NOS1: variants seen among roughly 807,000 people sequenced by gnomAD.
The protein encoded by NOS1 is NOS type I.
A neutral mutation model predicts 164.5 loss-of-function variants in NOS1; 51 were observed. That is an observed-to-expected ratio of 0.31 (90% CI 0.25 to 0.39). NOS1 has a LOEUF of 0.39. Among genes scored for constraint, NOS1 ranks in the 10% least tolerant of loss-of-function variants. The probability of loss-of-function intolerance (pLI) is 1.00; values close to 1 mark genes in which losing one functional copy is unlikely to be tolerated. For missense variants in NOS1, 1,362 were observed against 1,885.6 expected (o/e 0.72, Z 5.14); for synonymous variants, 719 against 745.8 (o/e 0.96, Z 0.59).
Position 117,243,256 on chromosome 12 carries a change from C to T in NOS1, c.2962+41G>A, listed in dbSNP as rs762328017. 5.6e-6 allele frequency: 9 copies of T among 1,608,934 alleles called. No homozygotes were observed. The highest frequency in any genetic ancestry group is 7.6e-6 in the Non-Finnish European group (9 of 1,177,464). On this transcript the variant is annotated intron_variant, in intron 19 of 28. Transcript: ENST00000317775. The surrounding 1 kb of genome is among the most constrained non-coding windows in gnomAD (Gnocchi z 4.3). Reference sequence around the variant, plus strand: ...GAGGTGAGATCACCTGCCTTTCCCCCATTGTCACGAATACCTCCCTGGAAG... The same window carrying T: ...GAGGTGAGATCACCTGCCTTTCCCCTATTGTCACGAATACCTCCCTGGAAG...
intron 1 of NOS1, among the ~76,000 whole-genome samples, chr12:117,359,373 C>CG (rs1038094060): frequency 3.4e-5 from 5 of 145,046 alleles, no homozygotes; most frequent in Non-Finnish European, 7.7e-5. Flanking sequence ...GAAAAAATAA[C>CG]GGGGGAAAAA....
chr12:117,276,969 T>C (rs944696123), intron 9 of NOS1, among the ~76,000 whole-genome samples: 1 of 152,170 alleles, frequency 6.6e-6, no homozygotes, highest in African/African-American at 2.4e-5. Flanking sequence ...ATCTCTTCGA[T>C]ATACTGATTT....
chr12:117,294,995 C>T (rs567910), intron 3 of NOS1, among the ~76,000 whole-genome samples: 86,149 of 152,066 alleles, frequency 0.57, 25,047 homozygotes, highest in African/African-American at 0.69. Context: ...GGTGCGGTCA[C>T]GTCAGCCTGG....
intron 18 of NOS1, among the ~76,000 whole-genome samples, chr12:117,245,235 C>T (rs1455661173): frequency 6.6e-6 from 1 of 152,152 alleles, no homozygotes; most frequent in East Asian, 1.9e-4. Context: ...AGAATGTATT[C>T]CAAGGCTAGG....
intron 3 of NOS1, among the ~76,000 whole-genome samples, chr12:117,307,630 G>A (rs911774584): frequency 6.6e-6 from 1 of 152,120 alleles, no homozygotes; most frequent in Non-Finnish European, 1.5e-5. Context: ...GCTTCCTAGA[G>A]TGCTGGGATT....
chr12:117,328,659 G>A (rs940026908), intron 2 of NOS1, among the ~76,000 whole-genome samples: 1 of 152,072 alleles, frequency 6.6e-6, no homozygotes, highest in Non-Finnish European at 1.5e-5. Flanking sequence ...CTGCCTCCCG[G>A]GTCCAAGTGA....
intron 24 of NOS1, 95 bp from the exon 25 acceptor site, chr12:117,225,232 A>G: frequency 6.7e-7 from 1 of 1,483,862 alleles, no homozygotes; most frequent in Non-Finnish European, 9.1e-7. Flanking sequence ...TCTTCGGTAG[A>G]CATACAATGA....
intron 3 of NOS1, among the ~76,000 whole-genome samples, chr12:117,304,471 G>A (rs1338300592): frequency 6.6e-6 from 1 of 152,164 alleles, no homozygotes; most frequent in African/African-American, 2.4e-5. Flanking sequence ...TGAATCTTAT[G>A]TGAGTCTCTC....
intron 17 of NOS1, among the ~76,000 whole-genome samples, chr12:117,251,123 A>G (rs982132551): frequency 6.6e-6 from 1 of 152,134 alleles, no homozygotes; most frequent in African/African-American, 2.4e-5. Context: ...AAGAGATCAG[A>G]GTTCTTCCCT....
chr12:117,359,907 T>TCAGC (rs1877050763), intron 1 of NOS1, among the ~76,000 whole-genome samples: 2 of 67,522 alleles, frequency 3.0e-5, no homozygotes, highest in Non-Finnish European at 2.9e-5. Flanking sequence ...TATATATATA[T>TCAGC]ATATATATAT....
At chr12:117,305,380 C>T (rs554285787) in intron 3 of NOS1, among the ~76,000 whole-genome samples, 6 of 151,394 alleles carry the variant, frequency 4.0e-5, no homozygotes, top group South Asian at 2.1e-4. Flanking sequence ...AGAAGAATGG[C>T]GTGAACCTGG....
intron 2 of NOS1, among the ~76,000 whole-genome samples, chr12:117,319,786 G>A (rs904291992): frequency 6.6e-6 from 1 of 152,204 alleles, no homozygotes; most frequent in Non-Finnish European, 1.5e-5. Context: ...CCTCTCTTTG[G>A]AGGAATGTTC....
chr12:117,250,327 C>CTT (rs556629285), intron 17 of NOS1, among the ~76,000 whole-genome samples: 2,166 of 130,156 alleles, frequency 0.017, 83 homozygotes, highest in African/African-American at 0.057. Flanking sequence ...TTGCCATTTA[C>CTT]TTTTTTTTTT....
chr12:117,227,230 C>T (rs1868773195), intron 23 of NOS1, among the ~76,000 whole-genome samples: 1 of 152,166 alleles, frequency 6.6e-6, no homozygotes, highest in Non-Finnish European at 1.5e-5. Flanking sequence ...CACATCTTGC[C>T]TCTTTCCTAA....
intron 20 of NOS1, among the ~76,000 whole-genome samples, chr12:117,235,997 T>C (rs1436807743): frequency 1.3e-5 from 2 of 151,064 alleles, no homozygotes; most frequent in South Asian, 4.3e-4. Context: ...GAGCAGAAAC[T>C]GCACCACTGC....
intron 1 of NOS1, among the ~76,000 whole-genome samples, chr12:117,347,864 C>G (rs372825680): frequency 6.6e-6 from 1 of 152,134 alleles, no homozygotes; most frequent in African/African-American, 2.4e-5. Context: ...TGGGTGTGCA[C>G]CAAAGCCCTT....
At chr12:117,289,268 G>C (rs1255855837) in intron 4 of NOS1, among the ~76,000 whole-genome samples, 1 of 152,212 alleles carries the variant, frequency 6.6e-6, no homozygotes, top group African/African-American at 2.4e-5. Flanking sequence ...TTCGCAAGCA[G>C]CAACTTCCCT....
chr12:117,339,705 CAGG>C (rs1566083226), intron 1 of NOS1, among the ~76,000 whole-genome samples: 1 of 152,156 alleles, frequency 6.6e-6, no homozygotes, highest in African/African-American at 2.4e-5. Context: ...ATTAAATAAG[CAGG>C]AGATTAGAGC....
Position 117,210,381 on chromosome 12 carries a change from C to T in NOS1, c.*4928G>A, listed in dbSNP as rs930458276. 18 of 985,356 alleles carry T rather than the reference C, an allele frequency of 1.8e-5. No individual in the cohort carries two copies. In the South Asian group the frequency reaches 3.8e-4, roughly 21 times the overall value. 61.0% of individuals were successfully genotyped at this position (985,356 alleles called of 1,614,324 possible). ...TAAAGGAAGACTAGTTAGTGTTTCT[C>T]TCTCCTTGTTGCTTCCTGGCAGTCT... On this transcript the variant is annotated 3_prime_UTR_variant, in exon 29 of 29. Coordinates refer to ENST00000317775, the MANE Select transcript of NOS1 (RefSeq NM_000620.5).
Sources: allele counts gnomAD v4.1 joint callset (sites outside exome capture counted in the v4.1 genomes callset), GRCh38; gene constraint gnomAD v4.1.1; non-coding constraint Gnocchi (gnomAD v3.1); transcripts MANE v1.5; gene names NCBI Gene and HGNC (gene_info 2026-07-23, HGNC 2026-07-21).